Variants in KCTD3 observed in about 807,000 individuals in gnomAD.
KCTD3 encodes BTB/POZ domain-containing protein KCTD3.
KCTD3 carries 41 observed loss-of-function variants against 85.8 expected under a neutral mutation model. The observed-to-expected ratio is 0.48, with a 90% CI of 0.37 to 0.62. KCTD3 has a LOEUF of 0.62. KCTD3 is among the 20% of genes least tolerant of loss of function. KCTD3 has a pLI of 0.00. For synonymous variants in KCTD3, 338 were observed against 345.4 expected (o/e 0.98, Z 0.24); for missense variants, 724 against 989.9 (o/e 0.73, Z 3.60).
intron 14 of KCTD3, 27 bp downstream of exon 14, chr1:215,608,199 T>C: frequency 6.4e-7 from 1 of 1,566,502 alleles, no homozygotes; most frequent in African/African-American, 1.4e-5. Context: ...TAGGGCATTT[T>C]TAGGTACTAT....
Position 215,579,039 on chromosome 1 carries a change from C to A in KCTD3, c.437C>A (p.Ala146Asp). ...SRKINNTVRSADSRNGLNSTE... is the reference protein window; with the variant it reads ...SRKINNTVRSDDSRNGLNSTE... ...AAAATAAACAACACAGTCAGATCTG[C>A]TGATTCTAGGAATGGTCTAAATTCT... Residue 146 changes from alanine to aspartate, a missense_variant, in exon 7 of 18, where the codon GCT (alanine) becomes GAT (aspartate). Coordinates refer to ENST00000259154, the MANE Select transcript of KCTD3 (RefSeq NM_016121.5). The A allele has an allele frequency of 6.4e-7, 1 of 1,574,644 alleles. No individual in the cohort carries two copies. Among genetic ancestry groups the A allele is most frequent in the Non-Finnish European group, 8.6e-7 (1 of 1,164,780 alleles).
chr1:215,614,714 T>C (rs937421033), intron 15 of KCTD3, among the ~76,000 whole-genome samples: 1 of 152,230 alleles, frequency 6.6e-6, no homozygotes, highest in Non-Finnish European at 1.5e-5. Context: ...TGTAGGAGCC[T>C]TTGGCAGAGA....
In KCTD3 at chr1:215,604,258, G is replaced by A. The variant is rs773991238; in HGVS notation, c.1265G>A (p.Ser422Asn). ...QLFQTFTVHR[S>N]PVTKIMLSEK... ...TTTCAGACTTTCACAGTTCACCGAA[G>A]TCCCGTAACAAAAATCATGCTATCA... Residue 422 changes from serine to asparagine, a missense_variant, in exon 13 of 18, where the codon AGT (serine) becomes AAT (asparagine). Physicochemically the swap from Ser to Asn is conservative, Grantham distance 46 (BLOSUM62 1). Around this residue, in one of 6 missense-constraint regions of KCTD3, gnomAD observed 146 missense variants for 320.3 expected, o/e 0.46. Coordinates refer to ENST00000259154, the MANE Select transcript of KCTD3 (RefSeq NM_016121.5). 1 of 1,613,960 alleles carries A rather than the reference G, an allele frequency of 6.2e-7. No homozygotes were observed. The highest frequency in any genetic ancestry group is 1.1e-5 in the South Asian group (1 of 91,078).
chr1:215,567,810 C>A, intron 1 of KCTD3, 42 bp downstream of exon 1: 1 of 1,182,434 alleles, frequency 8.5e-7, no homozygotes, highest in Non-Finnish European at 1.1e-6. Flanking sequence ...GATGCCTTGG[C>A]GGCCTCCTCC....
At chr1:215,568,676 A>G (rs1314126306) in intron 1 of KCTD3, among the ~76,000 whole-genome samples, 1 of 152,156 alleles carries the variant, frequency 6.6e-6, no homozygotes, top group Admixed American at 6.5e-5. Flanking sequence ...TCTGGAATAC[A>G]GTTAATTTTT....
At chr1:215,614,931 G>A (rs1655375346) in intron 15 of KCTD3, among the ~76,000 whole-genome samples, 1 of 152,120 alleles carries the variant, frequency 6.6e-6, no homozygotes, top group Non-Finnish European at 1.5e-5. Context: ...TGAAGAAACT[G>A]CCAAATGTTA....
rs1433767882 is a variant in KCTD3, at chr1:215,621,647, A to G, written c.*1029A>G. The G allele has an allele frequency of 6.6e-6, 1 of 152,556 alleles. No individual in the cohort carries two copies. Among genetic ancestry groups the G allele is most frequent in the South Asian group, 2.1e-4 (1 of 4,824 alleles). 9.5% of individuals were successfully genotyped at this position (152,556 alleles called of 1,614,324 possible). ...AATAGGGTAATTGTAAATTTAAAGC[A>G]TTAGCATTTATTGGTGAATAATGTA... On this transcript the variant is annotated 3_prime_UTR_variant, in exon 18 of 18. Coordinates refer to ENST00000259154, the MANE Select transcript of KCTD3 (RefSeq NM_016121.5).
chr1:215,603,755 G>A (rs1654916089), intron 12 of KCTD3, among the ~76,000 whole-genome samples: 1 of 152,144 alleles, frequency 6.6e-6, no homozygotes, highest in East Asian at 1.9e-4. Flanking sequence ...TACCTGCGGT[G>A]TCTCAGGCAC....
intron 10 of KCTD3, among the ~76,000 whole-genome samples, chr1:215,600,127 T>C (rs969459177): frequency 1.4e-4 from 21 of 152,172 alleles, no homozygotes; most frequent in African/African-American, 4.8e-4. Flanking sequence ...CTCAATGTTT[T>C]CCTGGTATAA....
intron 10 of KCTD3, among the ~76,000 whole-genome samples, chr1:215,600,141 G>A (rs181476582): frequency 8.9e-4 from 136 of 152,260 alleles, no homozygotes; most frequent in African/African-American, 3.1e-3. Context: ...GGTATAAAAT[G>A]TTTTGGCATT....
chr1:215,621,180 T>C lies in KCTD3; in HGVS notation c.*562T>C, dbSNP rs1655674177. 1 of 152,654 alleles carries C rather than the reference T, an allele frequency of 6.6e-6. No homozygotes were observed. The highest frequency in any genetic ancestry group is 2.4e-5 in the African/African-American group (1 of 41,434). 9.5% of individuals were successfully genotyped at this position (152,654 alleles called of 1,614,324 possible). A position where few individuals can be genotyped will look rare whatever the true frequency, so the allele number is the denominator to read the frequency against. On this transcript the variant is annotated 3_prime_UTR_variant, in exon 18 of 18. Transcript: ENST00000259154. The stretch of plus-strand genomic sequence containing the variant: ...CAGATACCACTATGTAGTAAGTCTT[T>C]TAGGATGATTTTAATTTAGTCGTGC...
chr1:215,604,784 T>C (rs1468543434), intron 13 of KCTD3, among the ~76,000 whole-genome samples: 2 of 151,874 alleles, frequency 1.3e-5, no homozygotes, highest in Non-Finnish European at 2.9e-5. Flanking sequence ...GATTATATTA[T>C]GGTTTAATGC....
intron 12 of KCTD3, among the ~76,000 whole-genome samples, chr1:215,603,089 T>C (rs1310066237): frequency 6.6e-6 from 1 of 152,168 alleles, no homozygotes; most frequent in Non-Finnish European, 1.5e-5. Flanking sequence ...GAGTTTAAAA[T>C]GTTTACTACT....
chr1:215,586,059 T>G (rs889129186), intron 8 of KCTD3, among the ~76,000 whole-genome samples: 4 of 152,240 alleles, frequency 2.6e-5, no homozygotes, highest in African/African-American at 9.6e-5. Context: ...GATTAATAAC[T>G]GAAAGGAATA....
chr1:215,599,909 A>T (rs1043639611), intron 10 of KCTD3, among the ~76,000 whole-genome samples: 2 of 151,926 alleles, frequency 1.3e-5, no homozygotes, highest in Admixed American at 1.3e-4. Context: ...AAAAAAAAAA[A>T]AGAATGTATC....
At chr1:215,598,447 A>G (rs1438421885) in intron 10 of KCTD3, among the ~76,000 whole-genome samples, 1 of 152,238 alleles carries the variant, frequency 6.6e-6, no homozygotes, top group African/African-American at 2.4e-5. Context: ...AGATACAGAT[A>G]TGACACCAGT....
intron 7 of KCTD3, 23 bp from the exon 8 acceptor site, chr1:215,579,886 A>C: frequency 6.4e-7 from 1 of 1,563,882 alleles, no homozygotes; most frequent in Non-Finnish European, 8.8e-7. Flanking sequence ...AATGTAAAAT[A>C]TTTCTTTTTC....
At position 215,572,690 on chromosome 1, in the gene KCTD3, C is replaced by T. The variant is rs147583803; in HGVS notation, c.84-1096C>T. Reference sequence around the variant, plus strand: ...AATGGCAGACAATAGATGGATGATACAGTGTATACATGCACAGCCTGGGAA... The same window carrying T: ...AATGGCAGACAATAGATGGATGATATAGTGTATACATGCACAGCCTGGGAA... On this transcript the variant is annotated intron_variant, in intron 1 of 17. Transcript: ENST00000259154. Among the ~76,000 whole-genome samples, 411 of 152,310 alleles carry T rather than the reference C, an allele frequency of 2.7e-3. 2 individuals carry two copies. Among genetic ancestry groups the T allele is most frequent in the African/African-American group, 9.4e-3 (390 of 41,562 alleles).
At chr1:215,591,696 C>T (rs1406218709) in intron 9 of KCTD3, among the ~76,000 whole-genome samples, 1 of 152,190 alleles carries the variant, frequency 6.6e-6, no homozygotes, top group African/African-American at 2.4e-5. Flanking sequence ...TGCCCAGGTG[C>T]AGTTAGGCCT....
Sources: gnomAD v4.1 joint callset for allele counts (sites outside exome capture counted in the v4.1 genomes callset) on GRCh38, gnomAD v4.1.1 for gene constraint, gnomAD v4.1.1 regional missense constraint, MANE v1.5 for transcripts, NCBI Gene and HGNC (gene_info 2026-07-23, HGNC 2026-07-21) for gene names.